Variants in CHD2 observed in about 807,000 individuals in gnomAD.
CHD2 encodes chromodomain helicase DNA binding protein 2, also known as ATP-dependent chromatin remodeler CHD2.
A neutral mutation model predicts 243.9 loss-of-function variants in CHD2; 28 were observed. That is an observed-to-expected ratio of 0.11 (90% CI 0.09 to 0.16). The LOEUF is 0.16. CHD2 is among the 10% of genes least tolerant of loss of function. CHD2 has a pLI of 1.00. For synonymous variants in CHD2, 775 were observed against 779.0 expected (o/e 0.99, Z 0.09); for missense variants, 1,386 against 2,209.8 (o/e 0.63, Z 7.47).
At chr15:92,949,800 G>A (rs1223957705) in intron 13 of CHD2, among the ~76,000 whole-genome samples, 1 of 152,180 alleles carries the variant, frequency 6.6e-6, no homozygotes, top group Non-Finnish European at 1.5e-5. Context: ...TTCTCAGCAA[G>A]GCAATTTTAC....
At chr15:92,985,755 G>C in intron 26 of CHD2, 82 bp downstream of exon 26, 1 of 1,434,452 alleles carries the variant, frequency 7.0e-7, no homozygotes, top group Non-Finnish European at 9.4e-7. Flanking sequence ...TGGACATCGT[G>C]ACAGGGTAGG....
At chr15:92,913,769 T>A (rs1274123254) in intron 2 of CHD2, among the ~76,000 whole-genome samples, 1 of 152,202 alleles carries the variant, frequency 6.6e-6, no homozygotes, top group Non-Finnish European at 1.5e-5. Context: ...GGAGGATTGC[T>A]TGAGTCCAAG....
chr15:92,985,616 G>A lies in CHD2; in HGVS notation c.3356G>A (p.Arg1119His). 2.5e-6 allele frequency: 4 copies of A among 1,613,940 alleles called. No homozygotes were observed. Among genetic ancestry groups the A allele is most frequent in the Non-Finnish European group, 3.4e-6 (4 of 1,180,010 alleles). ...DDDKKPKRRGRPRSVRKDLVE... is the reference protein window; with the variant it reads ...DDDKKPKRRGHPRSVRKDLVE... ...GACAAGAAGCCAAAGCGCAGAGGGCGTCCGAGGAGTGTGCGGAAGGACCTC... is the reference window on the plus strand; with the variant it reads ...GACAAGAAGCCAAAGCGCAGAGGGCATCCGAGGAGTGTGCGGAAGGACCTC... The change falls in exon 26 of 39, where the codon CGT becomes CAT. Residue 1119 changes from arginine (R) to histidine (H), a missense_variant. This residue lies in a region of CHD2 where 99 missense variants were observed against 206.4 expected (regional missense o/e 0.48). Coordinates refer to ENST00000394196, the MANE Select transcript of CHD2 (RefSeq NM_001271.4).
At chr15:92,948,081 A>G (rs543775035) in intron 12 of CHD2, among the ~76,000 whole-genome samples, 1 of 152,336 alleles carries the variant, frequency 6.6e-6, no homozygotes, top group African/African-American at 2.4e-5. Flanking sequence ...TTGGCCACAG[A>G]ATCCACATTT....
intron 16 of CHD2, among the ~76,000 whole-genome samples, chr15:92,957,261 G>C (rs1001154534): frequency 3.3e-5 from 5 of 152,190 alleles, no homozygotes; most frequent in African/African-American, 1.2e-4. Flanking sequence ...TTATGCTTCA[G>C]CCATTCTGGC....
intron 5 of CHD2, among the ~76,000 whole-genome samples, chr15:92,934,840 A>G (rs2053236738): frequency 6.6e-6 from 1 of 152,118 alleles, no homozygotes; most frequent in Non-Finnish European, 1.5e-5. Context: ...AGTTTTTCAA[A>G]TACTCCCAGG....
intron 3 of CHD2, among the ~76,000 whole-genome samples, chr15:92,925,275 C>T (rs1179060494): frequency 1.3e-5 from 2 of 152,186 alleles, no homozygotes; most frequent in Non-Finnish European, 2.9e-5. Flanking sequence ...ACCTCCTTTT[C>T]ACATGGTAGC....
At chr15:92,928,841 C>T (rs1428374375) in intron 4 of CHD2, among the ~76,000 whole-genome samples, 189 bp from the exon 5 acceptor site, 1 of 152,136 alleles carries the variant, frequency 6.6e-6, no homozygotes, top group Non-Finnish European at 1.5e-5. Flanking sequence ...TCAGTGATAG[C>T]AGAGAGATAT....
chr15:92,993,176 C>A, intron 28 of CHD2, 178 bp downstream of exon 28: 1 of 582,448 alleles, frequency 1.7e-6, no homozygotes. Flanking sequence ...GGTCTACTCA[C>A]AAATGAAGTT....
At chr15:92,918,030 T>C (rs2052876421) in intron 2 of CHD2, among the ~76,000 whole-genome samples, 1 of 152,228 alleles carries the variant, frequency 6.6e-6, no homozygotes, top group Non-Finnish European at 1.5e-5. Context: ...TTTTGTAAGT[T>C]AGCAAAATAA....
chr15:92,994,261 A>G (rs1199102148), intron 28 of CHD2, among the ~76,000 whole-genome samples: 1 of 152,216 alleles, frequency 6.6e-6, no homozygotes, highest in Non-Finnish European at 1.5e-5. Flanking sequence ...ATCTACTTCA[A>G]AGGATTTGGA....
In CHD2 at chr15:93,011,071, G is replaced by A. The variant is rs57518365; in HGVS notation, c.4593-1274G>A. On this transcript the variant is annotated intron_variant, in intron 35 of 38. Transcript: ENST00000394196. ...TTCTTTCTTTACCTAGCGGCATCTG[G>A]CCTTTTTTTTTTTTCTTCTTTTTAA... 8.2e-3 allele frequency among the ~76,000 whole-genome samples: 1,248 copies of A among 151,398 alleles called. 55 individuals carry two copies. The highest frequency in any genetic ancestry group is 0.07 in the Admixed American group (1,070 of 15,228).
At chr15:92,983,105 A>G (rs1483806821) in intron 24 of CHD2, among the ~76,000 whole-genome samples, 5 of 152,126 alleles carry the variant, frequency 3.3e-5, no homozygotes, top group African/African-American at 1.2e-4. Flanking sequence ...CAGTAATCCT[A>G]TTATGAGGGC....
intron 38 of CHD2, among the ~76,000 whole-genome samples, chr15:93,023,530 G>A (rs1284104610): frequency 2.0e-5 from 3 of 152,162 alleles, no homozygotes; most frequent in African/African-American, 7.2e-5. Context: ...GTGCCTGGGA[G>A]TGGAATTATT....
chr15:93,009,413 C>CTTT, intron 35 of CHD2, 90 bp downstream of exon 35: 3 of 1,293,546 alleles, frequency 2.3e-6, no homozygotes, highest in South Asian at 1.5e-5. Context: ...GCATAGCCAC[C>CTTT]TAAGAAATCT....
intron 37 of CHD2, among the ~76,000 whole-genome samples, chr15:93,015,282 T>C (rs1172990206): frequency 6.6e-6 from 1 of 152,194 alleles, no homozygotes; most frequent in Non-Finnish European, 1.5e-5. Context: ...TTTTGCCATG[T>C]TGGCCAGGCT....
At chr15:93,020,326 C>A in intron 38 of CHD2, 68 bp downstream of exon 38, 1 of 1,576,706 alleles carries the variant, frequency 6.3e-7, no homozygotes, top group Non-Finnish European at 8.7e-7. Context: ...GAGAAAGTGA[C>A]GTATACATGA....
intron 12 of CHD2, among the ~76,000 whole-genome samples, chr15:92,948,703 C>T (rs530859254): frequency 3.9e-5 from 6 of 152,054 alleles, no homozygotes; most frequent in Non-Finnish European, 8.8e-5. Context: ...TGGGTGGTGG[C>T]GGGCGCCTGT....
At position 92,953,292 on chromosome 15, in the gene CHD2, A is replaced by G. The variant is rs1046945017; in HGVS notation, c.1503-65A>G. On this transcript the variant is annotated intron_variant, in intron 13 of 38. Coordinates refer to ENST00000394196, the MANE Select transcript of CHD2 (RefSeq NM_001271.4). ...TGAAGCATTGGTGTCGTTGCTGTTT[A>G]TGCACATTCTGTGTTTTGGTGAACT... 20 of 1,334,518 alleles carry G rather than the reference A, an allele frequency of 1.5e-5. No homozygotes were observed. The African/African-American group carries it at 2.0e-4, about 14-fold the overall frequency. 82.7% of individuals were successfully genotyped at this position (1,334,518 alleles called of 1,614,324 possible).
Sources: gnomAD v4.1 joint callset for allele counts (sites outside exome capture counted in the v4.1 genomes callset) on GRCh38, gnomAD v4.1.1 for gene constraint, gnomAD v4.1.1 regional missense constraint, MANE v1.5 for transcripts, NCBI Gene and HGNC (gene_info 2026-07-23, HGNC 2026-07-21) for gene names.